DRC2: variants seen among roughly 807,000 people sequenced by gnomAD.
DRC2 encodes dynein regulatory complex subunit 2, also known as coiled-coil domain containing 65.
chr12:48,906,641 C>T, the DRC2 span, among the ~76,000 whole-genome samples: 7 of 151,968 alleles, frequency 4.6e-5, no homozygotes, highest in Non-Finnish European at 1.0e-4. Context: ...TCTCGGCTCA[C>T]TGCAACCTCT....
the DRC2 span, among the ~76,000 whole-genome samples, chr12:48,912,436 T>TAAAAAAAAAAAAAAAAA: frequency 4.9e-4 from 1 of 2,050 alleles, no homozygotes; most frequent in Non-Finnish European, 2.7e-3. Flanking sequence ...AGACGCCGTC[T>TAAAAAAAAAAAAAAAAA]CAAAAAAAAA....
chr12:48,919,926 C>T, the DRC2 span, among the ~76,000 whole-genome samples: 1 of 150,252 alleles, frequency 6.7e-6, no homozygotes, highest in South Asian at 2.1e-4. Context: ...TTTGAGACCA[C>T]CCTGAGCAAC....
At chr12:48,908,601 A>AT in the DRC2 span, among the ~76,000 whole-genome samples, 1,664 of 100,528 alleles carry the variant, frequency 0.017, 14 homozygotes, top group Admixed American at 0.036. Context: ...TATTATTATT[A>AT]TTATTATTTA....
the DRC2 span, among the ~76,000 whole-genome samples, chr12:48,912,355 G>A: frequency 2.0e-5 from 3 of 147,938 alleles, no homozygotes; most frequent in Non-Finnish European, 3.0e-5. Flanking sequence ...GCGTGAACCC[G>A]GGAGAGGGAG....
chr12:48,921,515 A>G, the DRC2 span: 2 of 1,460,570 alleles, frequency 1.4e-6, no homozygotes, highest in Non-Finnish European at 9.1e-7. Context: ...CAACTCCTAG[A>G]GATTTTTTTT....
At chr12:48,917,347 C>T in the DRC2 span, among the ~76,000 whole-genome samples, 48,446 of 148,422 alleles carry the variant, frequency 0.33, 8,881 homozygotes, top group Admixed American at 0.48. Context: ...GCCTATGGTC[C>T]AAGCTACTTA....
chr12:48,904,530 CT>C, the DRC2 span: 1 of 1,549,698 alleles, frequency 6.5e-7, no homozygotes, highest in East Asian at 2.3e-5. Flanking sequence ...GGCCCTGTCA[CT>C]GAGGAAACCT....
chr12:48,915,593 T>C, the DRC2 span, among the ~76,000 whole-genome samples: 1 of 152,184 alleles, frequency 6.6e-6, no homozygotes, highest in African/African-American at 2.4e-5. Context: ...AAGCCGCCAT[T>C]GTCATCCTGG....
chr12:48,915,041 T>A, the DRC2 span, among the ~76,000 whole-genome samples: 3 of 132,426 alleles, frequency 2.3e-5, no homozygotes, highest in Non-Finnish European at 5.2e-5. Flanking sequence ...TGTTTTACTT[T>A]TTTAAATAAC....
chr12:48,905,356 A>C, the DRC2 span, among the ~76,000 whole-genome samples: 2 of 152,200 alleles, frequency 1.3e-5, no homozygotes, highest in Non-Finnish European at 2.9e-5. Context: ...GTAGAGTCAT[A>C]AGGCACAGTA....
chr12:48,904,479 T>G, the DRC2 span: 1 of 1,613,336 alleles, frequency 6.2e-7, no homozygotes, highest in Non-Finnish European at 8.5e-7. Context: ...GTGATGGCCT[T>G]TTGCATTATG....
At chr12:48,914,257 T>C in the DRC2 span, 1 of 786,202 alleles carries the variant, frequency 1.3e-6, no homozygotes, top group Middle Eastern at 4.0e-4. Context: ...CACTCTTGCT[T>C]TACACAAGAG....
chr12:48,905,899 G>T, the DRC2 span, among the ~76,000 whole-genome samples: 19 of 152,072 alleles, frequency 1.2e-4, no homozygotes. Context: ...AGCCTCCCGA[G>T]TAGCTGTGAC....
the DRC2 span, chr12:48,904,365 C>T: frequency 1.9e-6 from 3 of 1,613,820 alleles, no homozygotes; most frequent in Non-Finnish European, 1.7e-6. Context: ...ATGGCCAAGA[C>T]GCCCCTGTCC....
the DRC2 span, chr12:48,921,173 G>A: frequency 6.2e-7 from 1 of 1,613,772 alleles, no homozygotes; most frequent in Middle Eastern, 1.7e-4. Context: ...CCCAGGTGAT[G>A]GTGGACTACA....
the DRC2 span, among the ~76,000 whole-genome samples, chr12:48,915,607 G>A: frequency 8.6e-5 from 13 of 151,844 alleles, no homozygotes; most frequent in Non-Finnish European, 1.8e-4. Flanking sequence ...ATCCTGGCCC[G>A]TTCTCAATGA....
the DRC2 span, among the ~76,000 whole-genome samples, chr12:48,912,117 A>G: frequency 6.6e-6 from 1 of 151,938 alleles, no homozygotes; most frequent in Admixed American, 6.6e-5. Flanking sequence ...AAAATTAGCC[A>G]GGTGTGGTGG....
At chr12:48,918,630 C>T in the DRC2 span, 1 of 1,570,088 alleles carries the variant, frequency 6.4e-7, no homozygotes, top group South Asian at 1.1e-5. Flanking sequence ...ACCTGTCTCA[C>T]TGAAGACCCT....
At chr12:48,904,521 G>T in the DRC2 span, 3 of 1,569,982 alleles carry the variant, frequency 1.9e-6, no homozygotes, top group Admixed American at 5.7e-5. Flanking sequence ...CCCTGCCCTG[G>T]CCCTGTCACT....
Sources: allele counts gnomAD v4.1 joint callset (sites outside exome capture counted in the v4.1 genomes callset), GRCh38; gene constraint gnomAD v4.1.1; transcripts MANE v1.5; gene names NCBI Gene and HGNC (gene_info 2026-07-23, HGNC 2026-07-21).